The following ZNF540 variants were observed in gnomAD, a reference collection of about 807,000 sequenced individuals.
ZNF540 encodes zinc finger protein 540.
In ZNF540, 3 loss-of-function variants were observed where a neutral mutation model predicts 11.8. That is an observed-to-expected ratio of 0.25 (90% CI 0.12 to 0.65). The LOEUF is 0.65. Ranked by LOEUF, ZNF540 falls within the 30% of genes least tolerant of loss-of-function variation. The pLI is 0.83. For missense variants in ZNF540, 709 were observed against 793.1 expected (o/e 0.89, Z 1.27); for synonymous variants, 247 against 259.0 (o/e 0.95, Z 0.45).
At chr19:37,577,898 A>C (rs1280626696) in intron 1 of ZNF540, among the ~76,000 whole-genome samples, 1 of 152,158 alleles carries the variant, frequency 6.6e-6, no homozygotes, top group Non-Finnish European at 1.5e-5. Context: ...GGAGCCACAG[A>C]CCGTACTGTT....
At chr19:37,552,874 G>T (rs940160337) in intron 1 of ZNF540, among the ~76,000 whole-genome samples, 4 of 152,044 alleles carry the variant, frequency 2.6e-5, no homozygotes, top group Non-Finnish European at 5.9e-5. Flanking sequence ...TTGAACTCGG[G>T]AGGTAGAGGT....
intron 1 of ZNF540, among the ~76,000 whole-genome samples, chr19:37,557,957 C>A (rs932216738): frequency 6.6e-6 from 1 of 152,096 alleles, no homozygotes; most frequent in African/African-American, 2.4e-5. Context: ...GATAAATAGG[C>A]TACTGGGCGT....
rs1473991454 is a variant in ZNF540 at position 37,613,505 on chromosome 19, C to G, written c.*242C>G. ...TATACTTATCATCATTGCCTTTCCA[C>G]TACTCTACTATCTGTGTGATATTAG... On this transcript the variant is annotated 3_prime_UTR_variant, in exon 5 of 5. Transcript: ENST00000316433. The G allele has an allele frequency of 4.9e-6, 2 of 408,280 alleles. No homozygotes were observed. The allele number at this position is 408,280 out of a possible 1,614,324, so 25.3% of individuals were successfully genotyped here.
intron 1 of ZNF540, among the ~76,000 whole-genome samples, chr19:37,580,790 G>A (rs1426636073): frequency 6.6e-6 from 1 of 152,188 alleles, no homozygotes; most frequent in Non-Finnish European, 1.5e-5. Context: ...AGCAGCCTGA[G>A]GTCCTCACCA....
At chr19:37,557,809 T>C (rs2042676522) in intron 1 of ZNF540, among the ~76,000 whole-genome samples, 1 of 152,198 alleles carries the variant, frequency 6.6e-6, no homozygotes, top group South Asian at 2.1e-4. Context: ...GTAAAGTCTC[T>C]ATGGCATGAG....
In ZNF540 at chr19:37,612,782, G is replaced by C. The variant is rs1000112342; in HGVS notation, c.1502G>C (p.Gly501Ala). The C allele has an allele frequency of 6.2e-7, 1 of 1,613,890 alleles. No individual in the cohort carries two copies. The change falls in exon 5 of 5, where the codon GGG becomes GCG. Residue 501 changes from glycine to alanine, a missense_variant. Gly to Ala is a moderately conservative substitution (Grantham distance 60). Transcript: ENST00000316433. ...AAGCCCTACAAATGTGTACGATGTG[G>C]GAAGACCTTTAGATTTGGTTTCTAC... ...DVKPYKCVRC[G>A]KTFRFGFYLT... is the part of the protein sequence containing the mutation.
At chr19:37,586,789 C>A in intron 1 of ZNF540, 2 of 1,156,332 alleles carry the variant, frequency 1.7e-6, no homozygotes, top group Non-Finnish European at 2.5e-6. Flanking sequence ...TGGCTCACAG[C>A]CCACAAAATA....
chr19:37,575,495 C>T (rs1013984422), intron 1 of ZNF540: 1 of 152,184 alleles, frequency 6.6e-6, no homozygotes, highest in African/African-American at 2.4e-5. Flanking sequence ...TGACAACAAG[C>T]TTATTACCGC....
chr19:37,613,356 C>T lies in ZNF540; in HGVS notation c.*93C>T, dbSNP rs2044148720. 1 of 912,028 alleles carries T rather than the reference C, an allele frequency of 1.1e-6. No homozygotes were observed. The highest frequency in any genetic ancestry group is 3.2e-5 in the Admixed American group (1 of 31,580). The allele number at this position is 912,028 out of a possible 1,614,324, so 56.5% of individuals were successfully genotyped here. A position where few individuals can be genotyped will look rare whatever the true frequency, so the allele number is the denominator to read the frequency against. On this transcript the variant is annotated 3_prime_UTR_variant, in exon 5 of 5. Transcript: ENST00000316433. ...GTCAATGTGTTGATGTTTTTTTACA[C>T]ATATTAACTTAATAAATGTATGAGT...
intron 1 of ZNF540, chr19:37,587,156 A>T (rs2147205360): frequency 6.4e-6 from 1 of 155,152 alleles, no homozygotes; most frequent in South Asian, 2.0e-4. Flanking sequence ...CAGGGTCAAC[A>T]GATCCAAAAC....
chr19:37,583,886 T>G, intron 1 of ZNF540: 2 of 1,409,964 alleles, frequency 1.4e-6, no homozygotes, highest in South Asian at 2.7e-5. Flanking sequence ...AAGCCTTTCC[T>G]TAGGGAATGG....
chr19:37,589,864 C>CAAAAAAAAAAA (rs60136941), upstream of ZNF540, among the ~76,000 whole-genome samples: 7 of 29,586 alleles, frequency 2.4e-4, 2 homozygotes, highest in Admixed American at 6.7e-4. Flanking sequence ...GACTCCATCT[C>CAAAAAAAAAAA]AAAAAAAAAA....
chr19:37,604,384 T>C lies in ZNF540; in HGVS notation c.232+3279T>C, dbSNP rs903302108. On this transcript the variant is annotated intron_variant, in intron 4 of 4. Transcript: ENST00000316433. ...GTGCAGTGGTGCGATCTCGGCTCAC[T>C]ACAAGCTCCGCCTCCCGGGTTCACG... is the stretch of plus-strand genomic sequence containing the variant. Among the ~76,000 whole-genome samples the C allele has an allele frequency of 6.5e-5, 9 of 138,490 alleles. No homozygotes were observed. The South Asian group carries it at 7.4e-4, about 11-fold the overall frequency. The allele number at this position is 138,490 out of a possible 152,430, so 90.9% of individuals were successfully genotyped here.
At chr19:37,604,518 A>G (rs1055713531) in intron 4 of ZNF540, among the ~76,000 whole-genome samples, 1 of 151,912 alleles carries the variant, frequency 6.6e-6, no homozygotes, top group African/African-American at 2.4e-5. Flanking sequence ...CGTGTTAGCC[A>G]GGATGGTCTC....
Position 37,604,296 on chromosome 19 carries a change from C to CTTTTTTTTTTTTTTTTTTT in ZNF540, c.232+3202_232+3220dup, listed in dbSNP as rs769163050. On this transcript the variant is annotated intron_variant, in intron 4 of 4. Coordinates refer to ENST00000316433, the MANE Select transcript of ZNF540 (RefSeq NM_001172225.3). Reference sequence around the variant, plus strand: ...CATAGAGCTTTGGAAAATAGCCTTACTTTTTTTTTTTTTTTTTTTTTTTTT... The same window carrying CTTTTTTTTTTTTTTTTTTT: ...CATAGAGCTTTGGAAAATAGCCTTACTTTTTTTTTTTTTTTTTTTTTTTTTTTTTTTTTTTTTTTTTTTT... Among the ~76,000 whole-genome samples, 7 of 75,276 alleles carry CTTTTTTTTTTTTTTTTTTT rather than the reference C, an allele frequency of 9.3e-5. 1 individual carries two copies. Among genetic ancestry groups the CTTTTTTTTTTTTTTTTTTT allele is most frequent in the Non-Finnish European group, 1.3e-4 (5 of 39,490 alleles). 49.4% of individuals were successfully genotyped at this position (75,276 alleles called of 152,430 possible). A position where few individuals can be genotyped will look rare whatever the true frequency, so the allele number is the denominator to read the frequency against.
Position 37,599,709 on chromosome 19 carries a change from C to G in ZNF540, c.93C>G (p.Tyr31Ter), listed in dbSNP as rs1159937730. The G allele has an allele frequency of 6.2e-7, 1 of 1,612,804 alleles. No individual in the cohort carries two copies. Among genetic ancestry groups the G allele is most frequent in the Non-Finnish European group, 8.5e-7 (1 of 1,179,422 alleles). The change falls in exon 3 of 5, where the codon TAC becomes TAG. Residue 31 changes from tyrosine to a stop codon, truncating the protein, a stop_gained. Transcript: ENST00000316433. LOFTEE classifies it high-confidence loss of function. ...ECLDTTQRKL[Y>*]RDVMLENYNN... ...TGGACACTACCCAGAGGAAATTGTA[C>G]AGAGATGTGATGTTGGAGAATTATA...
At chr19:37,584,451 A>G (rs2043589845) in intron 1 of ZNF540, among the ~76,000 whole-genome samples, 1 of 152,218 alleles carries the variant, frequency 6.6e-6, no homozygotes, top group Admixed American at 6.5e-5. Context: ...AATTAATACA[A>G]GTTCTTGCTC....
chr19:37,588,854 T>C (rs973513446), intron 1 of ZNF540, among the ~76,000 whole-genome samples: 1 of 152,150 alleles, frequency 6.6e-6, no homozygotes, highest in Non-Finnish European at 1.5e-5. Flanking sequence ...GGAACCCCAT[T>C]TTATAACACA....
chr19:37,553,935 A>C (rs1451201754), intron 1 of ZNF540, among the ~76,000 whole-genome samples: 4 of 152,168 alleles, frequency 2.6e-5, no homozygotes, highest in African/African-American at 9.7e-5. Context: ...GTATGTATGA[A>C]TCCATGTTTC....
Sources: allele counts gnomAD v4.1 joint callset (sites outside exome capture counted in the v4.1 genomes callset), GRCh38; gene constraint gnomAD v4.1.1; transcripts MANE v1.5; gene names NCBI Gene and HGNC (gene_info 2026-07-23, HGNC 2026-07-21).